AFF2: variants seen among roughly 807,000 people sequenced by gnomAD.
The protein encoded by AFF2 is ALF transcription elongation factor 2, also known as AF4/FMR2 family member 2.
A neutral mutation model predicts 76.9 loss-of-function variants in AFF2; 14 were observed. That is an observed-to-expected ratio of 0.18 (90% CI 0.12 to 0.28). AFF2 has a LOEUF of 0.28. AFF2 is among the 10% of genes least tolerant of loss of function. The pLI, the probability that AFF2 is intolerant of heterozygous loss-of-function variation, is 1.00. For synonymous variants in AFF2, 398 were observed against 366.7 expected, an observed-to-expected ratio of 1.09 and a Z score of -0.98; for missense variants, 868 against 1,001.1, an observed-to-expected ratio of 0.87 and a Z score of 1.79.
intron 1 of AFF2, among the ~76,000 whole-genome samples, chrX:148,572,667 C>T (rs782557359): frequency 1.1e-4 from 12 of 111,633 alleles, no homozygotes; most frequent in African/African-American, 3.9e-4. Flanking sequence ...AAAAAACAGA[C>T]ATAAAAGGTT....
At chrX:148,676,057 A>ATTT (rs59875267) in intron 3 of AFF2, among the ~76,000 whole-genome samples, 3 of 91,545 alleles carry the variant, frequency 3.3e-5, no homozygotes, top group African/African-American at 4.3e-5. Flanking sequence ...ATGAATTGTG[A>ATTT]TTTTTTTTTT....
intron 3 of AFF2, among the ~76,000 whole-genome samples, chrX:148,740,279 C>T (rs1052968915): frequency 3.6e-5 from 4 of 112,169 alleles, no homozygotes; most frequent in African/African-American, 1.3e-4. Flanking sequence ...TCCTGAGGAA[C>T]ACTGATTATT....
chrX:148,831,881 T>A (rs929080193), intron 4 of AFF2, among the ~76,000 whole-genome samples: 1 of 112,113 alleles, frequency 8.9e-6, no homozygotes, highest in African/African-American at 3.2e-5. Context: ...ATTAGGTTTT[T>A]CTGGTAAGTC....
chrX:148,561,821 T>C (rs1187719194), intron 1 of AFF2, among the ~76,000 whole-genome samples: 1 of 111,375 alleles, frequency 9.0e-6, no homozygotes, highest in African/African-American at 3.3e-5. Context: ...GATTCAGTGG[T>C]GAGTTTCTTT....
At chrX:148,895,570 AGTGTGTGT>A (rs60601698) in intron 8 of AFF2, among the ~76,000 whole-genome samples, 17 of 95,293 alleles carry the variant, frequency 1.8e-4, no homozygotes, top group East Asian at 6.8e-4. Flanking sequence ...TGAGTGAGTG[AGTGTGTGT>A]GTGTGTGTGT....
At chrX:148,503,181 G>A (rs2052372527) in intron 1 of AFF2, among the ~76,000 whole-genome samples, 1 of 112,208 alleles carries the variant, frequency 8.9e-6, no homozygotes, top group Non-Finnish European at 1.9e-5. Context: ...ACTTCGTGAT[G>A]CATCTCTGTT....
At chrX:148,800,568 C>T (rs1219211243) in intron 3 of AFF2, among the ~76,000 whole-genome samples, 1 of 111,047 alleles carries the variant, frequency 9.0e-6, no homozygotes, top group African/African-American at 3.3e-5. Flanking sequence ...CCTTTTTTTT[C>T]TAAAAGATTT....
At chrX:148,975,491 A>G (rs1247920879) in intron 16 of AFF2, among the ~76,000 whole-genome samples, 1 of 112,000 alleles carries the variant, frequency 8.9e-6, no homozygotes, top group Non-Finnish European at 1.9e-5. Context: ...TAACATGCAC[A>G]CTACAATTAT....
rs1420739247 is a variant in AFF2, at chrX:148,709,178, C to T, written c.1041+46410C>T. The stretch of plus-strand genomic sequence containing the variant: ...ATCTGGCATTCATTGTAGATTAAAG[C>T]TTATTTTTCTGTGAATAAAACTTAT... On this transcript the variant is annotated intron_variant, in intron 3 of 20. Coordinates refer to ENST00000370460, the MANE Select transcript of AFF2 (RefSeq NM_002025.4). 2.7e-5 allele frequency among the ~76,000 whole-genome samples: 3 copies of T among 111,525 alleles called. No homozygotes were observed. In the Admixed American group the frequency reaches 2.9e-4, roughly 11 times the overall value.
In AFF2 at chrX:148,991,257, C is replaced by T; in HGVS notation, c.3861C>T (p.His1287=). The part of the protein sequence containing the change: ...LDTLMGPLTQ[H]SSMTNLVRYV... ...CGCTGATGGGGCCTCTGACCCAGCA[C>T]AGCAGCATGACCAATCTTGTCCGCT... Residue 1287 remains histidine, a synonymous_variant, in exon 21 of 21, where the codon CAC becomes CAT. Coordinates refer to ENST00000370460, the MANE Select transcript of AFF2 (RefSeq NM_002025.4). 1 of 1,209,972 alleles carries T rather than the reference C, an allele frequency of 8.3e-7. No homozygotes were observed. Among genetic ancestry groups the T allele is most frequent in the Non-Finnish European group, 1.1e-6 (1 of 894,414 alleles).
chrX:148,951,461 T>G (rs1302597459), intron 9 of AFF2, among the ~76,000 whole-genome samples: 1 of 111,578 alleles, frequency 9.0e-6, no homozygotes, highest in African/African-American at 3.3e-5. Context: ...TTAAAAGAAA[T>G]GAGTGCATAA....
intron 3 of AFF2, among the ~76,000 whole-genome samples, chrX:148,758,922 C>T (rs1006347098): frequency 9.0e-6 from 1 of 111,379 alleles, no homozygotes; most frequent in Non-Finnish European, 1.9e-5. Flanking sequence ...TATAGGGGTC[C>T]GCCACAATGC....
intron 3 of AFF2, among the ~76,000 whole-genome samples, chrX:148,693,236 C>T (rs935634451): frequency 8.9e-6 from 1 of 111,896 alleles, no homozygotes; most frequent in Non-Finnish European, 1.9e-5. Flanking sequence ...GGTTTTTAAG[C>T]CCCTGCATCA....
At chrX:148,670,917 C>T (rs2054415795) in intron 3 of AFF2, among the ~76,000 whole-genome samples, 1 of 111,910 alleles carries the variant, frequency 8.9e-6, no homozygotes, top group African/African-American at 3.2e-5. Context: ...TTAGTCAAAC[C>T]CAGAGATAGC....
At chrX:148,939,948 G>T (rs2124318481) in intron 9 of AFF2, among the ~76,000 whole-genome samples, 1 of 112,188 alleles carries the variant, frequency 8.9e-6, no homozygotes, top group East Asian at 2.8e-4. Flanking sequence ...TACCTGAAAT[G>T]AGTATTGAAA....
intron 1 of AFF2, among the ~76,000 whole-genome samples, chrX:148,545,002 T>A (rs2052903417): frequency 8.9e-6 from 1 of 112,702 alleles, no homozygotes; most frequent in Non-Finnish European, 1.9e-5. Flanking sequence ...CTGTGAAGAA[T>A]CCCTTCTTCT....
intron 3 of AFF2, among the ~76,000 whole-genome samples, chrX:148,675,362 G>A (rs957958801): frequency 1.1e-4 from 12 of 111,393 alleles, no homozygotes; most frequent in African/African-American, 3.9e-4. Flanking sequence ...TAAGGTCCAT[G>A]CTTCCTATGA....
chrX:148,871,224 C>A (rs1404404760), intron 7 of AFF2, among the ~76,000 whole-genome samples: 1 of 111,553 alleles, frequency 9.0e-6, no homozygotes, highest in African/African-American at 3.3e-5. Flanking sequence ...GGAGCCCCAA[C>A]TTAAATTGGA....
intron 3 of AFF2, among the ~76,000 whole-genome samples, chrX:148,798,461 G>T (rs782507284): frequency 1.1e-4 from 12 of 112,407 alleles, no homozygotes; most frequent in African/African-American, 3.9e-4. Flanking sequence ...TGCATACTGA[G>T]GGTGCAATGC....
Sources: allele counts gnomAD v4.1 joint callset (sites outside exome capture counted in the v4.1 genomes callset), GRCh38; gene constraint gnomAD v4.1.1; transcripts MANE v1.5; gene names NCBI Gene and HGNC (gene_info 2026-07-23, HGNC 2026-07-21).